The following SLC44A5 variants were observed in gnomAD, a reference collection of about 807,000 sequenced individuals.
SLC44A5 encodes choline transporter-like protein 5.
SLC44A5 carries 57 observed loss-of-function variants against 101.8 expected under a neutral mutation model. The observed-to-expected ratio is 0.56, with a 90% CI of 0.45 to 0.70. The LOEUF (loss-of-function observed/expected upper bound fraction) is 0.70, where lower values mean the gene tolerates loss of function less well. SLC44A5 is among the 30% of genes least tolerant of loss of function. SLC44A5 has a pLI of 0.00. For synonymous variants in SLC44A5, 281 were observed against 290.9 expected (o/e 0.97, Z 0.35); for missense variants, 737 against 853.1 (o/e 0.86, Z 1.70).
At chr1:75,210,358 C>A (rs1393288125) in intron 23 of SLC44A5, among the ~76,000 whole-genome samples, 2 of 151,814 alleles carry the variant, frequency 1.3e-5, no homozygotes, top group African/African-American at 4.8e-5. Flanking sequence ...CAGTGCCTAG[C>A]CAAAAAAAGA....
rs189372224 is a variant in SLC44A5 at position 75,482,385 on chromosome 1, C to T, written c.13+59050G>A. 7.0e-3 allele frequency among the ~76,000 whole-genome samples: 1,066 copies of T among 151,956 alleles called. 8 individuals carry two copies. The highest frequency in any genetic ancestry group is 0.011 in the Admixed American group (165 of 15,254). ...TGTGTACATATGCAACTAACCTGCACATTGTGCACATGTACCCTAAAACTT... is the reference window on the plus strand; with the variant it reads ...TGTGTACATATGCAACTAACCTGCATATTGTGCACATGTACCCTAAAACTT... On this transcript the variant is annotated intron_variant, in intron 2 of 23. Coordinates refer to ENST00000370859, the MANE Select transcript of SLC44A5 (RefSeq NM_001130058.2).
chr1:75,338,759 T>C (rs908060938), intron 4 of SLC44A5, among the ~76,000 whole-genome samples: 3 of 152,184 alleles, frequency 2.0e-5, no homozygotes, highest in Admixed American at 1.3e-4. Context: ...AGCTGGGCTA[T>C]TACAGGGACA....
At chr1:75,305,676 T>C (rs778719894) in intron 4 of SLC44A5, among the ~76,000 whole-genome samples, 2 of 152,254 alleles carry the variant, frequency 1.3e-5, no homozygotes, top group African/African-American at 2.4e-5. Flanking sequence ...CCTCCTGGGA[T>C]AACCATATGT....
chr1:75,597,156 C>G (rs537300184), intron 1 of SLC44A5, among the ~76,000 whole-genome samples: 2 of 149,876 alleles, frequency 1.3e-5, no homozygotes, highest in East Asian at 3.9e-4. Flanking sequence ...CCACTGCACT[C>G]CAGCCTGGGC....
At chr1:75,493,532 C>G (rs576900528) in intron 2 of SLC44A5, among the ~76,000 whole-genome samples, 1 of 151,980 alleles carries the variant, frequency 6.6e-6, no homozygotes, top group African/African-American at 2.4e-5. Flanking sequence ...AGCCATGGGA[C>G]AACACTAATT....
chr1:75,359,995 C>T (rs1659371438), intron 3 of SLC44A5, among the ~76,000 whole-genome samples: 2 of 152,038 alleles, frequency 1.3e-5, no homozygotes, highest in South Asian at 4.1e-4. Context: ...AGGTCCTTTC[C>T]CTATGTTTTA....
chr1:75,284,269 A>G (rs2100793734), intron 5 of SLC44A5, among the ~76,000 whole-genome samples: 1 of 152,208 alleles, frequency 6.6e-6, no homozygotes, highest in Non-Finnish European at 1.5e-5. Flanking sequence ...AGTTATTATA[A>G]AAGGGATTGA....
At chr1:75,348,484 G>T (rs1475514426) in intron 3 of SLC44A5, among the ~76,000 whole-genome samples, 1 of 152,096 alleles carries the variant, frequency 6.6e-6, no homozygotes, top group Non-Finnish European at 1.5e-5. Context: ...ATAGCCTTAA[G>T]AATGGTGGCA....
At chr1:75,447,137 A>G (rs1335525780) in intron 2 of SLC44A5, among the ~76,000 whole-genome samples, 1 of 152,158 alleles carries the variant, frequency 6.6e-6, no homozygotes, top group East Asian at 1.9e-4. Flanking sequence ...TGATTCCACC[A>G]CTTCATGTGT....
intron 2 of SLC44A5, chr1:75,402,629 G>A: frequency 6.4e-6 from 1 of 157,410 alleles, no homozygotes; most frequent in Non-Finnish European, 1.4e-5. Context: ...ATGAGGGACT[G>A]TCCCAAGAGG....
intron 2 of SLC44A5, among the ~76,000 whole-genome samples, chr1:75,513,481 C>G (rs1386262542): frequency 6.6e-6 from 1 of 152,150 alleles, no homozygotes; most frequent in Non-Finnish European, 1.5e-5. Context: ...AACATAAAAG[C>G]TTAAGAACAA....
intron 9 of SLC44A5, 94 bp downstream of exon 9, chr1:75,241,907 T>TGGCCTCAGTCTCATCAATTGTGAAATACG: frequency 1.8e-6 from 2 of 1,081,872 alleles, no homozygotes; most frequent in Admixed American, 3.6e-5. Context: ...GGACCATTCT[T>TGGCCTCAGTCTCATCAATTGTGAAATACG]GGCCTCAGTC....
chr1:75,530,999 T>G (rs1479376842), intron 2 of SLC44A5, among the ~76,000 whole-genome samples: 2 of 152,192 alleles, frequency 1.3e-5, no homozygotes, highest in Non-Finnish European at 2.9e-5. Context: ...GCCCAGAGAT[T>G]AGAAAACCTG....
chr1:75,574,351 C>G (rs775142826), intron 1 of SLC44A5, among the ~76,000 whole-genome samples: 1 of 152,156 alleles, frequency 6.6e-6, no homozygotes, highest in African/African-American at 2.4e-5. Flanking sequence ...GTGCACCTGA[C>G]TTAAGCAAGA....
chr1:75,355,370 A>C (rs992264791), intron 3 of SLC44A5, among the ~76,000 whole-genome samples: 3 of 152,238 alleles, frequency 2.0e-5, no homozygotes, highest in Non-Finnish European at 4.4e-5. Flanking sequence ...GTAACCTTGA[A>C]AAAATCATTT....
chr1:75,568,005 CATT>C (rs1388798480), intron 1 of SLC44A5, among the ~76,000 whole-genome samples: 3 of 152,270 alleles, frequency 2.0e-5, no homozygotes, highest in Non-Finnish European at 4.4e-5. Context: ...TAGTTAAATA[CATT>C]ATTAGTGACT....
the SLC44A5 span, among the ~76,000 whole-genome samples, chr1:75,644,792 C>G: frequency 6.7e-6 from 1 of 150,148 alleles, no homozygotes; most frequent in East Asian, 2.0e-4. Context: ...CTCCCACCTC[C>G]CCCCACCCCA....
the SLC44A5 span, among the ~76,000 whole-genome samples, chr1:75,621,132 T>A: frequency 6.6e-6 from 1 of 152,158 alleles, no homozygotes; most frequent in Non-Finnish European, 1.5e-5. Context: ...CACATGTGGT[T>A]CTTCTGGGCA....
At chr1:75,712,625 CT>C in the SLC44A5 span, among the ~76,000 whole-genome samples, 1 of 129,194 alleles carries the variant, frequency 7.7e-6, no homozygotes, top group East Asian at 2.4e-4. Context: ...TATGATATAA[CT>C]TTTTATAAAA....
Sources: gnomAD v4.1 joint callset for allele counts (sites outside exome capture counted in the v4.1 genomes callset) on GRCh38, gnomAD v4.1.1 for gene constraint, MANE v1.5 for transcripts, NCBI Gene and HGNC (gene_info 2026-07-23, HGNC 2026-07-21) for gene names.